The following GFRAL variants were observed in gnomAD, a reference collection of about 807,000 sequenced individuals.
GFRAL encodes the protein GDNF family receptor alpha-like.
GFRAL carries 36 observed loss-of-function variants against 45.4 expected under a neutral mutation model. That is an observed-to-expected ratio of 0.79 (90% CI 0.61 to 1.05). GFRAL has a LOEUF of 1.05. GFRAL is among the 50% of genes least tolerant of loss of function. The pLI, the probability that GFRAL is intolerant of heterozygous loss-of-function variation, is 0.00. For synonymous variants in GFRAL, 166 were observed against 154.1 expected (o/e 1.08, Z -0.57); for missense variants, 507 against 467.5 (o/e 1.08, Z -0.78).
At position 55,331,790 on chromosome 6, in the gene GFRAL, G is replaced by A. The variant is rs760514343; in HGVS notation, c.98G>A (p.Arg33His). The A allele has an allele frequency of 4.3e-6, 7 of 1,611,312 alleles. No homozygotes were observed. The highest frequency in any genetic ancestry group is 1.6e-4 in the Middle Eastern group (1 of 6,068). The change falls in exon 2 of 9, where the codon CGT becomes CAT. Residue 33 changes from arginine (R) to histidine (H), a missense_variant. Arg to His is a conservative substitution (Grantham distance 29). Transcript: ENST00000340465. ...ACATATTTAAGAGAGCAATGCTTAC[G>A]TGATGCAAATGGATGTAAACATGCT... ...NCTYLREQCL[R>H]DANGCKHAWR... is the part of the protein sequence containing the mutation.
chr6:55,399,454 A>G lies in GFRAL; in HGVS notation c.1121+13A>G. Reference sequence around the variant, plus strand: ...TGGTCAAGCTTAGGTAACTGAATATAAATTAGAAGGAAAGGTCTGAAAGGG... The same window carrying G: ...TGGTCAAGCTTAGGTAACTGAATATGAATTAGAAGGAAAGGTCTGAAAGGG... On this transcript the variant is annotated intron_variant, in intron 8 of 8. Coordinates refer to ENST00000340465, the MANE Select transcript of GFRAL (RefSeq NM_207410.2). 2 of 1,559,764 alleles carry G rather than the reference A, an allele frequency of 1.3e-6. No homozygotes were observed. Among genetic ancestry groups the G allele is most frequent in the Non-Finnish European group, 1.8e-6 (2 of 1,130,596 alleles).
intron 2 of GFRAL, among the ~76,000 whole-genome samples, chr6:55,332,912 A>G (rs1370385018): frequency 6.6e-6 from 1 of 152,198 alleles, no homozygotes; most frequent in African/African-American, 2.4e-5. Flanking sequence ...TAGTCAATTT[A>G]TACAGTAGAA....
At chr6:55,388,613 C>A (rs1768709207) in intron 6 of GFRAL, among the ~76,000 whole-genome samples, 1 of 152,212 alleles carries the variant, frequency 6.6e-6, no homozygotes, top group Non-Finnish European at 1.5e-5. Context: ...CACTTCTACA[C>A]AACTGCTTCG....
At chr6:55,375,491 T>C (rs1415915847) in intron 6 of GFRAL, among the ~76,000 whole-genome samples, 2 of 152,178 alleles carry the variant, frequency 1.3e-5, no homozygotes, top group Admixed American at 6.5e-5. Context: ...GAGACTTTGC[T>C]GAAGTTGCTT....
chr6:55,342,706 G>C (rs898096590), intron 3 of GFRAL, among the ~76,000 whole-genome samples: 1 of 152,020 alleles, frequency 6.6e-6, no homozygotes, highest in Non-Finnish European at 1.5e-5. Context: ...TGGGCTAAAT[G>C]CTCCAATTAA....
intron 3 of GFRAL, among the ~76,000 whole-genome samples, chr6:55,348,727 C>T (rs914615047): frequency 1.3e-5 from 2 of 152,064 alleles, no homozygotes; most frequent in East Asian, 3.9e-4. Flanking sequence ...CTCTTTTAAC[C>T]TAAAGACACC....
chr6:55,359,171 TATCTATCTATCTATC>T (rs1328071326), intron 6 of GFRAL, 33 bp downstream of exon 6: 6 of 1,540,448 alleles, frequency 3.9e-6, no homozygotes, highest in East Asian at 2.3e-5. Flanking sequence ...TCTGTCTATC[TATCTATCTATCTATC>T]ATCTATCTAT....
chr6:55,388,276 A>G (rs1768705036), intron 6 of GFRAL, among the ~76,000 whole-genome samples: 1 of 152,314 alleles, frequency 6.6e-6, no homozygotes, highest in African/African-American at 2.4e-5. Flanking sequence ...CTAGTTCCTG[A>G]GTGCATGTCT....
intron 5 of GFRAL, among the ~76,000 whole-genome samples, chr6:55,357,405 CATT>C (rs1768209111): frequency 6.6e-6 from 1 of 150,768 alleles, no homozygotes; most frequent in African/African-American, 2.4e-5. Context: ...AATCTGTTAT[CATT>C]ATATAATCAC....
chr6:55,340,613 T>C (rs1282214155), intron 3 of GFRAL, among the ~76,000 whole-genome samples: 1 of 151,960 alleles, frequency 6.6e-6, no homozygotes, highest in Non-Finnish European at 1.5e-5. Context: ...AGAAGACGAG[T>C]GATTTCCACA....
chr6:55,335,906 T>TTTATTTTA (rs1767884536), intron 3 of GFRAL, among the ~76,000 whole-genome samples: 1 of 31,654 alleles, frequency 3.2e-5, no homozygotes. Context: ...TTTATTTTAT[T>TTTATTTTA]TTATTTTATT....
intron 6 of GFRAL, among the ~76,000 whole-genome samples, chr6:55,361,374 A>T (rs1280640163): frequency 6.6e-6 from 1 of 152,008 alleles, no homozygotes; most frequent in Non-Finnish European, 1.5e-5. Context: ...ATTTGCATAT[A>T]ACCTATGTAT....
In GFRAL at chr6:55,340,580, A is replaced by G. The variant is rs560236007; in HGVS notation, c.316+6636A>G. ...GGCAGAATAGGAACAGCTCCAGTCT[A>G]CAGCTCCCAGCCTGAGTGATGCAGA... On this transcript the variant is annotated intron_variant, in intron 3 of 8. Transcript: ENST00000340465. 3.9e-5 allele frequency among the ~76,000 whole-genome samples: 6 copies of G among 152,280 alleles called. No homozygotes were observed. The South Asian group carries it at 1.2e-3, about 32-fold the overall frequency.
intron 6 of GFRAL, among the ~76,000 whole-genome samples, chr6:55,359,950 T>C (rs1477043084): frequency 6.6e-6 from 1 of 152,000 alleles, no homozygotes; most frequent in Admixed American, 6.6e-5. Flanking sequence ...CTATGTACAA[T>C]ATATTCACTC....
intron 3 of GFRAL, among the ~76,000 whole-genome samples, chr6:55,343,826 T>TA (rs764227495): frequency 1.7e-4 from 26 of 151,900 alleles, no homozygotes; most frequent in Non-Finnish European, 2.8e-4. Flanking sequence ...ATAGAAGCAA[T>TA]AAAAAATGAT....
intron 3 of GFRAL, among the ~76,000 whole-genome samples, chr6:55,338,878 A>C (rs1307550484): frequency 6.6e-6 from 1 of 152,194 alleles, no homozygotes; most frequent in Non-Finnish European, 1.5e-5. Flanking sequence ...ATTAGACTTT[A>C]AACCGTTGCT....
At chr6:55,365,109 T>C (rs555448774) in intron 6 of GFRAL, among the ~76,000 whole-genome samples, 1 of 151,616 alleles carries the variant, frequency 6.6e-6, no homozygotes, top group Non-Finnish European at 1.5e-5. Flanking sequence ...TCCTCTTTTA[T>C]TTCCTTGAGG....
chr6:55,401,829 G>A lies in GFRAL; in HGVS notation c.1161G>A (p.Ser387=), dbSNP rs1481994211. The change falls in exon 9 of 9, where the codon TCG becomes TCA. Residue 387 remains serine (S), a synonymous_variant. Transcript: ENST00000340465. The part of the protein sequence containing the change: ...RISSKARDPS[S]IQIPGEL Reference sequence around the variant, plus strand: ...CAAGTAAAGCAAGAGATCCTTCATCGATCCAAATACCTGGAGAACTCTGAT... The same window carrying A: ...CAAGTAAAGCAAGAGATCCTTCATCAATCCAAATACCTGGAGAACTCTGAT... 25 of 1,538,828 alleles carry A rather than the reference G, an allele frequency of 1.6e-5. No homozygotes were observed. Among genetic ancestry groups the A allele is most frequent in the East Asian group, 1.1e-4 (5 of 44,496 alleles).
intron 6 of GFRAL, among the ~76,000 whole-genome samples, chr6:55,379,983 C>A (rs1768586781): frequency 6.6e-6 from 1 of 151,668 alleles, no homozygotes; most frequent in Non-Finnish European, 1.5e-5. Context: ...TAAAAAAATT[C>A]ATTTTTTTCC....
Sources: allele counts gnomAD v4.1 joint callset (sites outside exome capture counted in the v4.1 genomes callset), GRCh38; gene constraint gnomAD v4.1.1; transcripts MANE v1.5; gene names NCBI Gene and HGNC (gene_info 2026-07-23, HGNC 2026-07-21).